CDK6: variants seen among roughly 807,000 people sequenced by gnomAD.
The protein encoded by CDK6 is cyclin dependent kinase 6, also known as cyclin-dependent kinase 6.
CDK6 carries 6 observed loss-of-function variants against 37.1 expected under a neutral mutation model. That is an observed-to-expected ratio of 0.16 (90% CI 0.09 to 0.32). The LOEUF is 0.32. Ranked by LOEUF, CDK6 falls within the 10% of genes least tolerant of loss-of-function variation. CDK6 has a pLI of 1.00. For synonymous variants in CDK6, 160 were observed against 161.3 expected (o/e 0.99, Z 0.06); for missense variants, 224 against 418.9 (o/e 0.53, Z 4.06).
At chr7:92,699,803 C>T (rs776770484) in intron 4 of CDK6, among the ~76,000 whole-genome samples, 2 of 152,174 alleles carry the variant, frequency 1.3e-5, no homozygotes, top group Admixed American at 1.3e-4. Context: ...AAGCTCTGTG[C>T]GAGGTAGACG....
At chr7:92,784,192 A>G (rs1800066547) in intron 2 of CDK6, among the ~76,000 whole-genome samples, 1 of 152,220 alleles carries the variant, frequency 6.6e-6, no homozygotes, top group Admixed American at 6.5e-5. Flanking sequence ...GAATTAAGTG[A>G]ACTCCAAGTC....
intron 2 of CDK6, among the ~76,000 whole-genome samples, chr7:92,801,150 T>C (rs1432321659): frequency 2.0e-5 from 3 of 151,890 alleles, no homozygotes; most frequent in African/African-American, 7.2e-5. Context: ...TATTTAAATA[T>C]AAACAAAAGA....
intron 4 of CDK6, among the ~76,000 whole-genome samples, chr7:92,678,022 GA>G (rs1562933030): frequency 1.3e-5 from 2 of 152,184 alleles, no homozygotes; most frequent in Non-Finnish European, 1.5e-5. Flanking sequence ...TGCATGAGCA[GA>G]AGCTTATTTT....
chr7:92,795,764 T>G (rs575834007), intron 2 of CDK6, among the ~76,000 whole-genome samples: 20 of 152,210 alleles, frequency 1.3e-4, no homozygotes, highest in Admixed American at 2.6e-4. Context: ...AATATCCAGA[T>G]AGTTTAATTT....
chr7:92,659,167 T>C (rs1449970452), intron 5 of CDK6, among the ~76,000 whole-genome samples: 15 of 152,222 alleles, frequency 9.9e-5, no homozygotes, highest in Admixed American at 9.8e-4. Flanking sequence ...GCAAGTTGTC[T>C]CTGTTTCTTC....
rs184528867 is a variant in CDK6, at chr7:92,779,232, C to G, written c.234-4401G>C. Among the ~76,000 whole-genome samples the G allele has an allele frequency of 2.0e-5, 3 of 152,198 alleles. No individual in the cohort carries two copies. The East Asian group carries it at 5.8e-4, about 29-fold the overall frequency. ...AAAATATTAAGACTCACTGATGCCACCTGCAGCAACTGGACTCCAGGCCTC... is the reference window on the plus strand; with the variant it reads ...AAAATATTAAGACTCACTGATGCCAGCTGCAGCAACTGGACTCCAGGCCTC... On this transcript the variant is annotated intron_variant, in intron 2 of 7. Transcript: ENST00000424848.
chr7:92,701,674 G>C (rs181203964), intron 4 of CDK6: 1 of 152,478 alleles, frequency 6.6e-6, no homozygotes, highest in African/African-American at 2.4e-5. Context: ...CAAAGTGCTG[G>C]GATTACAGGT....
intron 6 of CDK6, among the ~76,000 whole-genome samples, chr7:92,618,552 G>A (rs1378471099): frequency 2.0e-5 from 3 of 152,208 alleles, no homozygotes; most frequent in Non-Finnish European, 4.4e-5. Flanking sequence ...ATTGTATTCA[G>A]AGGAGACCCA....
At chr7:92,800,677 T>C (rs931516893) in intron 2 of CDK6, among the ~76,000 whole-genome samples, 3 of 152,312 alleles carry the variant, frequency 2.0e-5, no homozygotes, top group Non-Finnish European at 2.9e-5. Context: ...AAACCAAAAG[T>C]CATCTAAGGC....
chr7:92,816,941 C>G (rs908303522), intron 2 of CDK6, among the ~76,000 whole-genome samples: 1 of 151,304 alleles, frequency 6.6e-6, no homozygotes, highest in African/African-American at 2.4e-5. Flanking sequence ...AAACTACCAC[C>G]CCCCCAAAAA....
intron 4 of CDK6, among the ~76,000 whole-genome samples, chr7:92,712,966 C>T (rs970901788): frequency 7.9e-5 from 12 of 152,044 alleles, no homozygotes; most frequent in African/African-American, 1.2e-4. Context: ...TGGGTTCAAG[C>T]GATTCTCCTG....
At chr7:92,707,900 G>A (rs182281838) in intron 4 of CDK6, among the ~76,000 whole-genome samples, 1 of 152,312 alleles carries the variant, frequency 6.6e-6, no homozygotes, top group East Asian at 1.9e-4. Flanking sequence ...CAGCAGATGA[G>A]CAGATGGAGG....
At chr7:92,832,567 T>C (rs1801517582) in intron 2 of CDK6, among the ~76,000 whole-genome samples, 1 of 152,098 alleles carries the variant, frequency 6.6e-6, no homozygotes, top group Admixed American at 6.5e-5. Context: ...AAACTGAGAG[T>C]ATGACTGGCA....
At chr7:92,647,692 T>C (rs1271146455) in intron 5 of CDK6, among the ~76,000 whole-genome samples, 1 of 152,256 alleles carries the variant, frequency 6.6e-6, no homozygotes, top group Non-Finnish European at 1.5e-5. Flanking sequence ...GTTTAAGTTC[T>C]ATAGTAAGAA....
intron 2 of CDK6, among the ~76,000 whole-genome samples, chr7:92,785,877 A>T (rs998094574): frequency 7.9e-5 from 12 of 152,230 alleles, no homozygotes; most frequent in African/African-American, 1.4e-4. Flanking sequence ...TGAAAAAAAG[A>T]AGTTCAGAAA....
In CDK6 at chr7:92,834,683, G is replaced by C. The variant is rs1801599990; in HGVS notation, c.-367-993C>G. On this transcript the variant is annotated intron_variant, in intron 1 of 7. Transcript: ENST00000424848. The surrounding 1 kb of genome is among the most constrained non-coding windows in gnomAD (Gnocchi z 4.6). ...CTCAACCTCCCTTTCAAAGGGTGGG[G>C]GGTGGGGGGTTAAATCCTGCGCCTC... Among the ~76,000 whole-genome samples the C allele has an allele frequency of 7.5e-6, 1 of 132,552 alleles. No individual in the cohort carries two copies. The highest frequency in any genetic ancestry group is 7.9e-5 in the Admixed American group (1 of 12,696). The allele number at this position is 132,552 out of a possible 152,430, so 87.0% of individuals were successfully genotyped here. A position where few individuals can be genotyped will look rare whatever the true frequency, so the allele number is the denominator to read the frequency against.
chr7:92,791,064 G>A (rs957129387), intron 2 of CDK6, among the ~76,000 whole-genome samples: 5 of 152,178 alleles, frequency 3.3e-5, no homozygotes, highest in African/African-American at 1.2e-4. Context: ...TACAGGGAAA[G>A]TAAAGAAGGC....
intron 4 of CDK6, among the ~76,000 whole-genome samples, chr7:92,676,503 T>C (rs906970515): frequency 6.6e-6 from 1 of 152,210 alleles, no homozygotes; most frequent in Non-Finnish European, 1.5e-5. Context: ...TCCTTACTTA[T>C]ATTTTTCTAT....
chr7:92,795,345 C>T (rs561132937), intron 2 of CDK6, among the ~76,000 whole-genome samples: 9 of 152,260 alleles, frequency 5.9e-5, no homozygotes, highest in African/African-American at 1.9e-4. Flanking sequence ...AATCTATTAA[C>T]TTGTGATCCA....
Sources: gnomAD v4.1 joint callset for allele counts (sites outside exome capture counted in the v4.1 genomes callset) on GRCh38, gnomAD v4.1.1 for gene constraint, Gnocchi (gnomAD v3.1) non-coding constraint, MANE v1.5 for transcripts, NCBI Gene and HGNC (gene_info 2026-07-23, HGNC 2026-07-21) for gene names.